TXNDC16: variants seen among roughly 807,000 people sequenced by gnomAD.
The protein encoded by TXNDC16 is thioredoxin domain-containing protein 16.
Under a neutral mutation model 85.6 loss-of-function variants are expected in TXNDC16, and 74 were observed. The ratio of observed to expected loss-of-function variants is 0.86; its 90% CI spans 0.72 to 1.05. The LOEUF (loss-of-function observed/expected upper bound fraction) is 1.05. TXNDC16 is among the 50% of genes least tolerant of loss of function. The pLI is 0.00. For missense variants in TXNDC16, 959 were observed against 947.0 expected (o/e 1.01, Z -0.17); for synonymous variants, 335 against 326.5 (o/e 1.03, Z -0.28).
intron 9 of TXNDC16, among the ~76,000 whole-genome samples, chr14:52,509,091 T>C (rs1351195734): frequency 6.6e-6 from 1 of 151,802 alleles, no homozygotes; most frequent in Non-Finnish European, 1.5e-5. Flanking sequence ...CTAGTAAGCA[T>C]CATAAAGTGA....
At chr14:52,505,417 C>T (rs2036772053) in intron 9 of TXNDC16, among the ~76,000 whole-genome samples, 2 of 152,150 alleles carry the variant, frequency 1.3e-5, no homozygotes, top group Admixed American at 6.5e-5. Context: ...GAAACTCATT[C>T]AAAACCGCTC....
chr14:52,488,842 A>C (rs868213820), intron 11 of TXNDC16, among the ~76,000 whole-genome samples: 5 of 139,730 alleles, frequency 3.6e-5, no homozygotes, highest in Admixed American at 1.5e-4. Flanking sequence ...AAAAAAAAAA[A>C]AAAAAAACAA....
chr14:52,470,669 T>G lies in TXNDC16; in HGVS notation c.1324A>C (p.Met442Leu), dbSNP rs758080672. ...VAVKLKGTST[M>L]LLTRINCADW... ...GCACAGTTTATTCTAGTAAGAAGCATAGTAGATGTGCCTAAATAAAAGGAA... is the reference window on the plus strand; with the variant it reads ...GCACAGTTTATTCTAGTAAGAAGCAGAGTAGATGTGCCTAAATAAAAGGAA... Residue 442 changes from methionine (M) to leucine (L), a missense_variant, in exon 15 of 21, where the codon ATG becomes CTG. By Grantham distance (15) the Met-to-Leu change is conservative. Transcript: ENST00000281741. The G allele has an allele frequency of 3.7e-6, 6 of 1,601,814 alleles. No homozygotes were observed. The highest frequency in any genetic ancestry group is 1.1e-5 in the South Asian group (1 of 87,912).
At chr14:52,483,492 A>G (rs1419580292) in intron 12 of TXNDC16, among the ~76,000 whole-genome samples, 1 of 152,246 alleles carries the variant, frequency 6.6e-6, no homozygotes, top group Non-Finnish European at 1.5e-5. Context: ...TGTTTTAGAC[A>G]AAGACAATAA....
chr14:52,550,009 T>G (rs2140237980), intron 1 of TXNDC16, among the ~76,000 whole-genome samples: 1 of 152,308 alleles, frequency 6.6e-6, no homozygotes, highest in East Asian at 1.9e-4. Flanking sequence ...ACAACAATAT[T>G]AAATCTTTAT....
chr14:52,442,705 T>C (rs1022622970), intron 18 of TXNDC16, among the ~76,000 whole-genome samples: 3 of 152,144 alleles, frequency 2.0e-5, no homozygotes, highest in Admixed American at 6.5e-5. Flanking sequence ...TCCTTTAATC[T>C]TGTAGTTGAG....
At chr14:52,460,186 G>A (rs2035621008) in intron 16 of TXNDC16, among the ~76,000 whole-genome samples, 1 of 152,086 alleles carries the variant, frequency 6.6e-6, no homozygotes, top group Admixed American at 6.6e-5. Flanking sequence ...ACCAGCCTGG[G>A]TAACACGGCT....
At chr14:52,456,964 TAAAA>T in intron 17 of TXNDC16, 122 bp downstream of exon 17, 2 of 634,402 alleles carry the variant, frequency 3.2e-6, no homozygotes, top group Non-Finnish European at 5.4e-6. Context: ...TAGAAGGAAA[TAAAA>T]AAAATTTCTT....
In TXNDC16 at chr14:52,490,974, G is replaced by C; in HGVS notation, c.788C>G (p.Ser263Ter). ...TAAGCCCAGTTGGAGATGGACAGTT[G>C]AAACTTGTTGAGGATCTTCAGCAAC... ...TEVAEDPQQV[S>*]TVHLQLGLPL... The change falls in exon 10 of 21, where the codon TCA becomes TGA. Residue 263 changes from serine (S) to a stop codon, truncating the protein, a stop_gained. Coordinates refer to ENST00000281741, the MANE Select transcript of TXNDC16 (RefSeq NM_020784.3). LOFTEE classifies it high-confidence loss of function. 6.7e-7 allele frequency: 1 copy of C among 1,486,870 alleles called. No homozygotes were observed. Among genetic ancestry groups the C allele is most frequent in the Non-Finnish European group, 9.1e-7 (1 of 1,099,912 alleles). 92.1% of individuals were successfully genotyped at this position (1,486,870 alleles called of 1,614,324 possible).
intron 7 of TXNDC16, among the ~76,000 whole-genome samples, chr14:52,515,679 G>A (rs866240727): frequency 0.018 from 2,156 of 122,762 alleles, 52 homozygotes; most frequent in African/African-American, 0.062. Context: ...ATGTGTGTGT[G>A]TGTGTGTGTG....
chr14:52,493,215 A>ATATATATATATATAT (rs761008122), intron 9 of TXNDC16, among the ~76,000 whole-genome samples: 1,738 of 120,802 alleles, frequency 0.014, 40 homozygotes, highest in African/African-American at 0.041. Flanking sequence ...ATATATATAT[A>ATATATATATATATAT]TACACACACA....
chr14:52,536,964 C>T (rs2140222635), intron 5 of TXNDC16, among the ~76,000 whole-genome samples, 171 bp from the exon 6 acceptor site: 1 of 152,050 alleles, frequency 6.6e-6, no homozygotes, highest in Middle Eastern at 3.4e-3. Flanking sequence ...AATACATTCT[C>T]AATAAATATA....
Position 52,480,627 on chromosome 14 carries a change from C to A in TXNDC16, c.1312+1603G>T, listed in dbSNP as rs140223476. ...AATTCAAAAACACAATGAGATATCACCTTACTCCTGCAAGAATGGCCATAA... is the reference window on the plus strand; with the variant it reads ...AATTCAAAAACACAATGAGATATCAACTTACTCCTGCAAGAATGGCCATAA... On this transcript the variant is annotated intron_variant, in intron 14 of 20. Coordinates refer to ENST00000281741, the MANE Select transcript of TXNDC16 (RefSeq NM_020784.3). Among the ~76,000 whole-genome samples, 1,501 of 151,976 alleles carry A rather than the reference C, an allele frequency of 9.9e-3. 9 individuals are homozygous for A. Among genetic ancestry groups the A allele is most frequent in the Non-Finnish European group, 0.017 (1,122 of 67,896 alleles).
At chr14:52,448,904 T>C (rs1225396653) in intron 18 of TXNDC16, among the ~76,000 whole-genome samples, 1 of 152,040 alleles carries the variant, frequency 6.6e-6, no homozygotes, top group Non-Finnish European at 1.5e-5. Flanking sequence ...TAACAAGTTA[T>C]AAGGTAGTAT....
At chr14:52,505,407 G>T (rs2036771812) in intron 9 of TXNDC16, among the ~76,000 whole-genome samples, 1 of 152,170 alleles carries the variant, frequency 6.6e-6, no homozygotes, top group African/African-American at 2.4e-5. Context: ...TCAGGATTCA[G>T]AAACTCATTC....
At chr14:52,502,422 A>G (rs1173094723) in intron 9 of TXNDC16, among the ~76,000 whole-genome samples, 1 of 152,218 alleles carries the variant, frequency 6.6e-6, no homozygotes, top group African/African-American at 2.4e-5. Context: ...TTGACATTGT[A>G]TTTTATAAAA....
intron 9 of TXNDC16, among the ~76,000 whole-genome samples, chr14:52,493,216 T>TATATATATATATATATATATACAC: frequency 1.7e-5 from 2 of 115,938 alleles, no homozygotes; most frequent in African/African-American, 7.1e-5. Flanking sequence ...TATATATATA[T>TATATATATATATATATATATACAC]ACACACACAC....
At chr14:52,517,155 C>A (rs2037102267) in intron 7 of TXNDC16, among the ~76,000 whole-genome samples, 1 of 152,164 alleles carries the variant, frequency 6.6e-6, no homozygotes, top group Non-Finnish European at 1.5e-5. Flanking sequence ...CATAGGTCCT[C>A]CCGCTCTGGT....
rs2037926220 is a variant in TXNDC16 at position 52,545,665 on chromosome 14, T to G, written c.-181-1294A>C. ...ACTTTCGCAAAACCAAAAACCAAGT[T>G]TATTGAAAATAGGACGGTCAATGCC... On this transcript the variant is annotated intron_variant, in intron 1 of 20. Coordinates refer to ENST00000281741, the MANE Select transcript of TXNDC16 (RefSeq NM_020784.3). Among the ~76,000 whole-genome samples, 3 of 152,142 alleles carry G rather than the reference T, an allele frequency of 2.0e-5. No homozygotes were observed. In the South Asian group the frequency reaches 6.2e-4, roughly 32 times the overall value.
Sources: gnomAD v4.1 joint callset for allele counts (sites outside exome capture counted in the v4.1 genomes callset) on GRCh38, gnomAD v4.1.1 for gene constraint, MANE v1.5 for transcripts, NCBI Gene and HGNC (gene_info 2026-07-23, HGNC 2026-07-21) for gene names.